Variants in TENM2 observed in about 807,000 individuals in gnomAD.
TENM2 encodes teneurin-2.
A neutral mutation model predicts 245.2 loss-of-function variants in TENM2; 52 were observed. That is an observed-to-expected ratio of 0.21 (90% confidence interval 0.17 to 0.27). The LOEUF is 0.27. Ranked by LOEUF, TENM2 falls within the 10% of genes least tolerant of loss-of-function variation. The pLI is 1.00. For missense variants in TENM2, 3,046 were observed against 3,666.8 expected, an observed-to-expected ratio of 0.83 and a Z score of 4.37; for synonymous variants, 1,363 against 1,438.9, an observed-to-expected ratio of 0.95 and a Z score of 1.19.
intron 13 of TENM2, among the ~76,000 whole-genome samples, chr5:168,189,582 G>C (rs980889636): frequency 2.0e-5 from 3 of 152,084 alleles, no homozygotes; most frequent in African/African-American, 7.2e-5. Context: ...GAAACTGCAG[G>C]CTTAATTTCC....
In TENM2 at chr5:167,725,186, A is replaced by G. The variant is rs562430848; in HGVS notation, c.503-150800A>G. Among the ~76,000 whole-genome samples the G allele has an allele frequency of 2.4e-3, 373 of 152,284 alleles. 1 individual carries two copies. The highest frequency in any genetic ancestry group is 6.8e-3 in the Middle Eastern group (2 of 294). On this transcript the variant is annotated intron_variant, in intron 2 of 28. Coordinates refer to ENST00000518659, the Ensembl canonical transcript of TENM2. ...TTCAATAAATTTTTTTTTTACCCCA[A>G]ATGTGGTCAAGTGTTTTCCCCTGGA...
the TENM2 span, among the ~76,000 whole-genome samples, chr5:167,173,022 T>C: frequency 6.6e-6 from 1 of 152,208 alleles, no homozygotes; most frequent in Non-Finnish European, 1.5e-5. Context: ...ACCCAAACTC[T>C]GTATACAAAA....
chr5:167,431,386 G>T (rs1489402853), intron 2 of TENM2, among the ~76,000 whole-genome samples: 1 of 151,942 alleles, frequency 6.6e-6, no homozygotes, highest in Non-Finnish European at 1.5e-5. Flanking sequence ...TGTTAAAGCT[G>T]GGACAAAAGT....
At chr5:167,722,917 G>T (rs148238733) in intron 2 of TENM2, among the ~76,000 whole-genome samples, 1 of 152,172 alleles carries the variant, frequency 6.6e-6, no homozygotes, top group Non-Finnish European at 1.5e-5. Context: ...ACGGAGAAAT[G>T]AGGCAGTTTA....
At chr5:167,304,489 A>G (rs1755546945) in intron 1 of TENM2, among the ~76,000 whole-genome samples, 1 of 152,300 alleles carries the variant, frequency 6.6e-6, no homozygotes, top group South Asian at 2.1e-4. Context: ...AAGACTATCT[A>G]TAGGGCAGAT....
chr5:168,144,631 C>T (rs1256437867), intron 12 of TENM2, among the ~76,000 whole-genome samples: 1 of 151,198 alleles, frequency 6.6e-6, no homozygotes, highest in African/African-American at 2.5e-5. Context: ...AATAATGCCG[C>T]AATAAACATA....
chr5:167,137,670 C>A, the TENM2 span, among the ~76,000 whole-genome samples: 1 of 152,164 alleles, frequency 6.6e-6, no homozygotes, highest in African/African-American at 2.4e-5. Flanking sequence ...GCAGCTCATA[C>A]TAACTCCATC....
rs1178930224 is a variant in TENM2 at position 168,252,179 on chromosome 5, ACCAGC to A, written c.7432+3810_7432+3814del. On this transcript the variant is annotated intron_variant, in intron 27 of 28. Transcript: ENST00000518659. Reference sequence around the variant, plus strand: ...TATCACTTCAGTCTAGGAGTTTGAGACCAGCCTGGGCAATGTAGAGAGATCCCATC... The same window carrying A: ...TATCACTTCAGTCTAGGAGTTTGAGACTGGGCAATGTAGAGAGATCCCATC... 4.6e-5 allele frequency among the ~76,000 whole-genome samples: 7 copies of A among 152,052 alleles called. No individual in the cohort carries two copies. In the East Asian group the frequency reaches 1.4e-3, roughly 30 times the overall value.
At chr5:167,915,837 C>A (rs537227105) in intron 3 of TENM2, among the ~76,000 whole-genome samples, 17 of 152,260 alleles carry the variant, frequency 1.1e-4, no homozygotes, top group African/African-American at 3.9e-4. Flanking sequence ...GGTAATTACT[C>A]TTCCAAAATA....
At chr5:167,831,812 A>G (rs930662375) in intron 2 of TENM2, among the ~76,000 whole-genome samples, 6 of 152,296 alleles carry the variant, frequency 3.9e-5, no homozygotes, top group South Asian at 2.1e-4. Context: ...TTTGCTGCAT[A>G]AGGATGAAAT....
At chr5:167,126,828 G>C in the TENM2 span, among the ~76,000 whole-genome samples, 1 of 152,206 alleles carries the variant, frequency 6.6e-6, no homozygotes, top group Non-Finnish European at 1.5e-5. Flanking sequence ...CAATTTCCTG[G>C]GATGTTGGGC....
the TENM2 span, among the ~76,000 whole-genome samples, chr5:167,176,045 C>T: frequency 1.3e-5 from 2 of 152,168 alleles, no homozygotes; most frequent in African/African-American, 2.4e-5. Context: ...AACCTTTCCA[C>T]GAAGTTGCCA....
At chr5:167,881,069 G>T (rs1773839941) in intron 3 of TENM2, among the ~76,000 whole-genome samples, 2 of 150,996 alleles carry the variant, frequency 1.3e-5, no homozygotes, top group African/African-American at 4.8e-5. Context: ...AGATGGATTT[G>T]GGATGAGGAA....
chr5:168,091,876 G>A (rs1003145164), intron 8 of TENM2, among the ~76,000 whole-genome samples: 1 of 152,150 alleles, frequency 6.6e-6, no homozygotes, highest in Non-Finnish European at 1.5e-5. Context: ...TCTTAACTGG[G>A]CAATTCACTT....
chr5:168,246,655 C>A, intron 26 of TENM2, 102 bp from the exon 29 acceptor site: 1 of 1,175,406 alleles, frequency 8.5e-7, no homozygotes, highest in Non-Finnish European at 1.2e-6. Context: ...TCTTTCATGA[C>A]TTTTGAGTTG....
chr5:168,073,716 G>A (rs1481864072), intron 7 of TENM2, among the ~76,000 whole-genome samples: 2 of 152,138 alleles, frequency 1.3e-5, no homozygotes, highest in Non-Finnish European at 2.9e-5. Context: ...ACGTACCTGG[G>A]GAAAATCTTG....
chr5:167,087,349 T>C, the TENM2 span, among the ~76,000 whole-genome samples: 2 of 152,138 alleles, frequency 1.3e-5, no homozygotes, highest in Non-Finnish European at 2.9e-5. Flanking sequence ...CTTTCTAGAG[T>C]TGTACAGTTC....
chr5:167,159,977 C>G, the TENM2 span, among the ~76,000 whole-genome samples: 1 of 152,168 alleles, frequency 6.6e-6, no homozygotes, highest in African/African-American at 2.4e-5. Context: ...GTACAAGACT[C>G]AAAAGGTGGA....
chr5:167,727,110 T>TTC (rs1198568200), intron 2 of TENM2, among the ~76,000 whole-genome samples: 2 of 134,092 alleles, frequency 1.5e-5, no homozygotes, highest in African/African-American at 5.6e-5. Context: ...ATTTCTTTTT[T>TTC]TTTTTTTTTT....
Sources: allele counts gnomAD v4.1 joint callset (sites outside exome capture counted in the v4.1 genomes callset), GRCh38; gene constraint gnomAD v4.1.1; transcripts MANE v1.5; gene names NCBI Gene and HGNC (gene_info 2026-07-23, HGNC 2026-07-21).